The following MDGA2 variants were observed in gnomAD, a reference collection of about 807,000 sequenced individuals.
MDGA2 encodes MAM domain containing glycosylphosphatidylinositol anchor 2, also known as MAM domain-containing glycosylphosphatidylinositol anchor protein 2.
A neutral mutation model predicts 117.8 loss-of-function variants in MDGA2; 40 were observed. The ratio of observed to expected loss-of-function variants is 0.34; its 90% CI spans 0.26 to 0.44. MDGA2 has a LOEUF of 0.44. Among genes scored for constraint, MDGA2 ranks in the 20% least tolerant of loss-of-function variants. MDGA2 has a pLI of 1.00. For missense variants in MDGA2, 1,123 were observed against 1,250.6 expected (o/e 0.90, Z 1.54); for synonymous variants, 452 against 439.0 (o/e 1.03, Z -0.37).
intron 5 of MDGA2, among the ~76,000 whole-genome samples, chr14:47,102,189 C>A (rs1231260910): frequency 1.3e-5 from 2 of 152,102 alleles, no homozygotes; most frequent in African/African-American, 4.8e-5. Flanking sequence ...AGGAACCCAG[C>A]TTTCCATCCA....
At chr14:46,953,289 C>T (rs1207947363) in intron 9 of MDGA2, among the ~76,000 whole-genome samples, 1 of 150,470 alleles carries the variant, frequency 6.6e-6, no homozygotes, top group Non-Finnish European at 1.5e-5. Context: ...AATAAAAAAT[C>T]TATTATATAT....
intron 1 of MDGA2, among the ~76,000 whole-genome samples, chr14:47,417,372 T>G (rs1892495693): frequency 1.3e-5 from 2 of 152,200 alleles, no homozygotes; most frequent in Non-Finnish European, 2.9e-5. Flanking sequence ...ATTTGCCACT[T>G]TATGACAAGG....
chr14:46,873,852 A>G (rs1017025613), intron 13 of MDGA2, 193 bp downstream of exon 13: 6 of 574,000 alleles, frequency 1.0e-5, no homozygotes, highest in South Asian at 3.6e-5. Flanking sequence ...TCTCTCTACT[A>G]TATGTATCAG....
intron 1 of MDGA2, among the ~76,000 whole-genome samples, chr14:47,403,597 C>T (rs1375786769): frequency 6.6e-6 from 1 of 152,116 alleles, no homozygotes; most frequent in Non-Finnish European, 1.5e-5. Flanking sequence ...CCCTCTACTA[C>T]TTGAATGACT....
At chr14:47,449,817 T>C (rs957774797) in intron 1 of MDGA2, among the ~76,000 whole-genome samples, 1 of 152,106 alleles carries the variant, frequency 6.6e-6, no homozygotes, top group African/African-American at 2.4e-5. Flanking sequence ...TGCTTTCTTA[T>C]GCAAAAACAA....
intron 3 of MDGA2, among the ~76,000 whole-genome samples, chr14:47,171,751 G>A (rs1382714903): frequency 2.0e-5 from 3 of 152,184 alleles, no homozygotes; most frequent in Non-Finnish European, 4.4e-5. Flanking sequence ...ATTTCCATCT[G>A]AGGTATTGTG....
At chr14:46,905,511 A>G (rs907168033) in intron 10 of MDGA2, among the ~76,000 whole-genome samples, 4 of 152,180 alleles carry the variant, frequency 2.6e-5, no homozygotes, top group Non-Finnish European at 4.4e-5. Context: ...TGCACAGTAA[A>G]CAATGCACAT....
intron 9 of MDGA2, among the ~76,000 whole-genome samples, chr14:46,948,124 C>G (rs1198831426): frequency 2.0e-5 from 3 of 151,914 alleles, no homozygotes; most frequent in Non-Finnish European, 2.9e-5. Flanking sequence ...TTCTGCAATG[C>G]TCTTTTTTCT....
chr14:47,271,572 A>T (rs1341709144), intron 2 of MDGA2, among the ~76,000 whole-genome samples: 5 of 152,126 alleles, frequency 3.3e-5, no homozygotes, highest in African/African-American at 9.7e-5. Flanking sequence ...GAGTCATCAA[A>T]CAGCAGTAGG....
At chr14:47,554,748 A>G (rs1286902674) in intron 1 of MDGA2, among the ~76,000 whole-genome samples, 1 of 152,164 alleles carries the variant, frequency 6.6e-6, no homozygotes, top group Admixed American at 6.5e-5. Flanking sequence ...ACATTCAAAT[A>G]CAGAGTCTTA....
intron 3 of MDGA2, among the ~76,000 whole-genome samples, chr14:47,174,362 A>G (rs889104971): frequency 6.6e-6 from 1 of 152,126 alleles, no homozygotes; most frequent in Non-Finnish European, 1.5e-5. Context: ...TCAGCACCAC[A>G]CCACACCTAT....
At chr14:47,078,371 C>A (rs1000722017) in intron 6 of MDGA2, among the ~76,000 whole-genome samples, 2 of 152,066 alleles carry the variant, frequency 1.3e-5, no homozygotes, top group Non-Finnish European at 2.9e-5. Flanking sequence ...TACTCCCTGA[C>A]AAGTAACTCC....
At chr14:47,023,649 A>G (rs914857321) in intron 8 of MDGA2, among the ~76,000 whole-genome samples, 10 of 152,224 alleles carry the variant, frequency 6.6e-5, no homozygotes, top group African/African-American at 2.4e-4. Flanking sequence ...TTTGCTCTTG[A>G]TAATAGAGAG....
intron 10 of MDGA2, among the ~76,000 whole-genome samples, chr14:46,890,001 C>T (rs943689433): frequency 2.0e-5 from 3 of 152,060 alleles, no homozygotes; most frequent in African/African-American, 7.2e-5. Flanking sequence ...GTTCTTCTCT[C>T]ACTTATGCTA....
intron 1 of MDGA2, among the ~76,000 whole-genome samples, chr14:47,393,886 A>C (rs1225129432): frequency 6.6e-6 from 1 of 152,162 alleles, no homozygotes; most frequent in Non-Finnish European, 1.5e-5. Context: ...AAAACCTTGT[A>C]TTTTGACTAT....
At chr14:47,289,938 C>G (rs117847248) in intron 2 of MDGA2, among the ~76,000 whole-genome samples, 2 of 152,056 alleles carry the variant, frequency 1.3e-5, no homozygotes, top group Non-Finnish European at 2.9e-5. Flanking sequence ...CCAATTTTGA[C>G]CATCAGAAAA....
chr14:47,246,510 T>C (rs1323627734), intron 2 of MDGA2, among the ~76,000 whole-genome samples: 1 of 151,634 alleles, frequency 6.6e-6, no homozygotes, highest in Non-Finnish European at 1.5e-5. Context: ...CTACAGTGAA[T>C]TGTTAGAAGA....
At chr14:47,398,856 T>G (rs1167093045) in intron 1 of MDGA2, among the ~76,000 whole-genome samples, 1 of 152,172 alleles carries the variant, frequency 6.6e-6, no homozygotes, top group East Asian at 1.9e-4. Flanking sequence ...ATTTAGTATT[T>G]AACTATTTCT....
intron 5 of MDGA2, among the ~76,000 whole-genome samples, chr14:47,097,989 T>G (rs1284110982): frequency 6.6e-6 from 1 of 151,988 alleles, no homozygotes; most frequent in East Asian, 1.9e-4. Context: ...GCACATTTTT[T>G]TTCTGCTTAC....
Sources: allele counts gnomAD v4.1 joint callset (sites outside exome capture counted in the v4.1 genomes callset), GRCh38; gene constraint gnomAD v4.1.1; transcripts MANE v1.5; gene names NCBI Gene and HGNC (gene_info 2026-07-23, HGNC 2026-07-21).